ANTXR1: variants seen among roughly 807,000 people sequenced by gnomAD.
The protein encoded by ANTXR1 is anthrax toxin receptor 1.
A neutral mutation model predicts 78.1 loss-of-function variants in ANTXR1; 19 were observed. That is an observed-to-expected ratio of 0.24 (90% CI 0.17 to 0.36). ANTXR1 has a LOEUF of 0.36. ANTXR1 is among the 10% of genes least tolerant of loss of function. ANTXR1 has a pLI of 1.00. For missense variants in ANTXR1, 518 were observed against 718.6 expected (o/e 0.72, Z 3.19); for synonymous variants, 273 against 260.5 (o/e 1.05, Z -0.46).
chr2:69,147,226 T>A (rs1452595026), intron 12 of ANTXR1, among the ~76,000 whole-genome samples: 2 of 152,226 alleles, frequency 1.3e-5, no homozygotes, highest in African/African-American at 2.4e-5. Context: ...TCTTGGAACG[T>A]GGTAAAGATG....
chr2:69,025,453 T>C (rs1488768000), intron 1 of ANTXR1, among the ~76,000 whole-genome samples: 2 of 152,200 alleles, frequency 1.3e-5, no homozygotes, highest in Non-Finnish European at 2.9e-5. Context: ...CTTAATGATA[T>C]GCAGCCCTAA....
intron 14 of ANTXR1, among the ~76,000 whole-genome samples, chr2:69,176,083 C>CA (rs1558622839): frequency 6.6e-6 from 1 of 151,406 alleles, no homozygotes; most frequent in East Asian, 1.9e-4. Flanking sequence ...AGACACCCCC[C>CA]CACACACACA....
chr2:69,149,754 AG>A lies in ANTXR1; in HGVS notation c.952-2414del, dbSNP rs560102538. On this transcript the variant is annotated intron_variant, in intron 12 of 17. Coordinates refer to ENST00000303714, the MANE Select transcript of ANTXR1 (RefSeq NM_032208.3). ...CATCATTTTATCCCCACGTCAATGC[AG>A]TGAGGCAAGTGAGGTTTATTATCTT... is the stretch of plus-strand genomic sequence containing the variant. Among the ~76,000 whole-genome samples, 337 of 152,350 alleles carry A rather than the reference AG, an allele frequency of 2.2e-3. 2 individuals are homozygous for A. The highest frequency in any genetic ancestry group is 7.6e-3 in the African/African-American group (316 of 41,588).
intron 3 of ANTXR1, among the ~76,000 whole-genome samples, chr2:69,053,956 GT>G (rs1670000471): frequency 6.6e-6 from 1 of 152,044 alleles, no homozygotes; most frequent in Admixed American, 6.6e-5. Context: ...TCTTATCTGT[GT>G]AATAGTCAAA....
intron 3 of ANTXR1, among the ~76,000 whole-genome samples, chr2:69,055,484 T>TG (rs1670040621): frequency 6.6e-6 from 1 of 152,172 alleles, no homozygotes; most frequent in African/African-American, 2.4e-5. Flanking sequence ...TTAGCAGGTC[T>TG]GGGAACAGAT....
intron 12 of ANTXR1, among the ~76,000 whole-genome samples, chr2:69,144,952 T>C (rs1011121235): frequency 6.6e-6 from 1 of 152,194 alleles, no homozygotes; most frequent in Non-Finnish European, 1.5e-5. Flanking sequence ...AATAGAGATA[T>C]TGGGGTCACT....
chr2:69,161,553 C>T (rs928801583), intron 13 of ANTXR1, among the ~76,000 whole-genome samples: 1 of 152,200 alleles, frequency 6.6e-6, no homozygotes, highest in Non-Finnish European at 1.5e-5. Context: ...GTCATGAGGT[C>T]TCTATTCAAT....
At chr2:69,217,009 A>T (rs1675194484) in intron 17 of ANTXR1, among the ~76,000 whole-genome samples, 1 of 152,190 alleles carries the variant, frequency 6.6e-6, no homozygotes, top group Non-Finnish European at 1.5e-5. Flanking sequence ...ACACTGTGTG[A>T]ACTGATCTGC....
chr2:69,122,164 C>T (rs535470703), intron 10 of ANTXR1, among the ~76,000 whole-genome samples: 2 of 152,276 alleles, frequency 1.3e-5, no homozygotes, highest in South Asian at 4.1e-4. Context: ...TATATCCTAC[C>T]TTGGAACATG....
chr2:69,188,517 G>C (rs184653673), intron 16 of ANTXR1, among the ~76,000 whole-genome samples: 1 of 152,294 alleles, frequency 6.6e-6, no homozygotes, highest in East Asian at 1.9e-4. Context: ...TGAATTGGCA[G>C]GTATTTTCTG....
At chr2:69,034,281 C>T (rs545291280) in intron 1 of ANTXR1, among the ~76,000 whole-genome samples, 10 of 152,198 alleles carry the variant, frequency 6.6e-5, no homozygotes, top group Non-Finnish European at 1.2e-4. Context: ...TCTAGTGAGC[C>T]CTTCTCCAAG....
chr2:69,216,548 C>A (rs1675184123), intron 17 of ANTXR1, among the ~76,000 whole-genome samples: 1 of 152,154 alleles, frequency 6.6e-6, no homozygotes, highest in South Asian at 2.1e-4. Context: ...CTCAGAATCA[C>A]TAAGTGCTCC....
At chr2:69,155,441 T>C (rs1435635046) in intron 13 of ANTXR1, among the ~76,000 whole-genome samples, 5 of 152,142 alleles carry the variant, frequency 3.3e-5, no homozygotes, top group Non-Finnish European at 7.4e-5. Flanking sequence ...ATAATAATAA[T>C]AAAGTCCTGC....
chr2:69,175,927 A>G (rs1028751733), intron 14 of ANTXR1, among the ~76,000 whole-genome samples: 5 of 152,178 alleles, frequency 3.3e-5, no homozygotes, highest in African/African-American at 2.4e-5. Flanking sequence ...ACAGGGCCAG[A>G]TAAGTTGAAC....
intron 10 of ANTXR1, among the ~76,000 whole-genome samples, chr2:69,117,486 GTA>G (rs1358316917): frequency 1.3e-5 from 2 of 152,186 alleles, no homozygotes; most frequent in Non-Finnish European, 2.9e-5. Context: ...ATGCATATGT[GTA>G]TATGTGTGTG....
chr2:69,249,243 A>G lies in ANTXR1; in HGVS notation c.*3758A>G, dbSNP rs1231132457. 6.6e-6 allele frequency: 1 copy of G among 151,994 alleles called. No homozygotes were observed. Among genetic ancestry groups the G allele is most frequent in the South Asian group, 2.1e-4 (1 of 4,820 alleles). 9.4% of individuals were successfully genotyped at this position (151,994 alleles called of 1,614,324 possible). On this transcript the variant is annotated 3_prime_UTR_variant, in exon 18 of 18. Coordinates refer to ENST00000303714, the MANE Select transcript of ANTXR1 (RefSeq NM_032208.3). Reference sequence around the variant, plus strand: ...TCCTCAATATCCTGATCATAATACCATGCTATAGGAGACTGGGCAAAACCT... The same window carrying G: ...TCCTCAATATCCTGATCATAATACCGTGCTATAGGAGACTGGGCAAAACCT...
intron 17 of ANTXR1, among the ~76,000 whole-genome samples, chr2:69,210,403 T>C (rs1303258212): frequency 6.6e-6 from 1 of 152,234 alleles, no homozygotes; most frequent in Admixed American, 6.5e-5. Flanking sequence ...GAGGCCTTGC[T>C]ATATTCCAAA....
At chr2:69,088,968 A>G (rs1671141227) in intron 8 of ANTXR1, among the ~76,000 whole-genome samples, 2 of 152,184 alleles carry the variant, frequency 1.3e-5, no homozygotes, top group East Asian at 3.8e-4. Flanking sequence ...TTCATGCTAC[A>G]GTCAGGATAG....
At chr2:69,145,996 A>T in intron 12 of ANTXR1, 7 of 985,456 alleles carry the variant, frequency 7.1e-6, no homozygotes, top group Non-Finnish European at 8.4e-6. Context: ...TCATTTTGTG[A>T]GTTGGGAGCA....
Sources: allele counts gnomAD v4.1 joint callset (sites outside exome capture counted in the v4.1 genomes callset), GRCh38; gene constraint gnomAD v4.1.1; transcripts MANE v1.5; gene names NCBI Gene and HGNC (gene_info 2026-07-23, HGNC 2026-07-21).